Variants in AKT2 observed in about 807,000 individuals in gnomAD.
AKT2 encodes AKT serine/threonine kinase 2, also known as RAC-beta serine/threonine-protein kinase.
A neutral mutation model predicts 58.6 loss-of-function variants in AKT2; 16 were observed. That is an observed-to-expected ratio of 0.27 (90% CI 0.18 to 0.41). The LOEUF (loss-of-function observed/expected upper bound fraction) is 0.41. Ranked by LOEUF, AKT2 falls within the 10% of genes least tolerant of loss-of-function variation. AKT2 has a pLI of 1.00. For missense variants in AKT2, 438 were observed against 661.0 expected, an observed-to-expected ratio of 0.66 and a Z score of 3.70; for synonymous variants, 253 against 254.0, an observed-to-expected ratio of 1.00 and a Z score of 0.04.
At chr19:40,263,714 T>A (rs1976130658) in intron 2 of AKT2, among the ~76,000 whole-genome samples, 1 of 152,178 alleles carries the variant, frequency 6.6e-6, no homozygotes, top group South Asian at 2.1e-4. Flanking sequence ...GGGGCGTCCA[T>A]CCCTCATCGC....
intron 9 of AKT2, 26 bp from the exon 10 acceptor site, chr19:40,236,411 GGT>G (rs1568519872): frequency 6.8e-6 from 11 of 1,613,846 alleles, no homozygotes; most frequent in Non-Finnish European, 9.3e-6. Context: ...ACGGATCTCA[GGT>G]GCATGCTCCC....
At chr19:40,277,538 G>A (rs1272162390) in intron 1 of AKT2, among the ~76,000 whole-genome samples, 2 of 151,988 alleles carry the variant, frequency 1.3e-5, no homozygotes, top group East Asian at 3.9e-4. Flanking sequence ...CCCCATCATA[G>A]CCCAGGCCCT....
chr19:40,279,810 T>C (rs999949028), intron 1 of AKT2, among the ~76,000 whole-genome samples: 8 of 152,246 alleles, frequency 5.3e-5, no homozygotes, highest in South Asian at 2.1e-4. Context: ...CACTTCCTGG[T>C]TGGGGGACTC....
chr19:40,274,517 C>A (rs145606347), intron 1 of AKT2: 74 of 159,782 alleles, frequency 4.6e-4, no homozygotes, highest in Non-Finnish European at 8.9e-4. Flanking sequence ...TAAATACATA[C>A]GCAAATTAGA....
At chr19:40,271,426 CAA>C (rs60327122) in intron 1 of AKT2, among the ~76,000 whole-genome samples, 20 of 68,534 alleles carry the variant, frequency 2.9e-4, no homozygotes, top group Admixed American at 6.9e-4. Context: ...GACCCTGTCT[CAA>C]AAAAAAAAAA....
At position 40,235,343 on chromosome 19, in the gene AKT2, C is replaced by T; in HGVS notation, c.1183G>A (p.Gly395Arg). 3.1e-6 allele frequency: 5 copies of T among 1,613,826 alleles called. No individual in the cohort carries two copies. Among genetic ancestry groups the T allele is most frequent in the Non-Finnish European group, 3.4e-6 (4 of 1,180,028 alleles). ...LKKDPKQRLG[G>R]GPSDAKEVME... is the part of the protein sequence containing the mutation. ...ACCTCCTTGGCATCGCTGGGCCCCC[C>T]ACCAAGCCTGTGCAGAGACGGCCGT... Residue 395 changes from glycine (G) to arginine (R), a missense_variant, in exon 12 of 14, where the codon GGG becomes AGG. Gly to Arg is a moderately radical substitution (Grantham distance 125). Transcript: ENST00000392038. This position sits in a 1 kb window ranked among gnomAD's most constrained non-coding sequence, Gnocchi z 6.3.
chr19:40,258,053 C>T (rs1975668766), intron 2 of AKT2, among the ~76,000 whole-genome samples: 1 of 151,666 alleles, frequency 6.6e-6, no homozygotes, highest in Admixed American at 6.6e-5. Context: ...TGGAGACCAG[C>T]CTGACCAACA....
chr19:40,239,049 GC>G, intron 7 of AKT2, 76 bp from the exon 8 acceptor site: 1 of 1,502,282 alleles, frequency 6.7e-7, no homozygotes, highest in Non-Finnish European at 9.2e-7. Flanking sequence ...CAGGGCCCTG[GC>G]CCTGCTTATT....
At position 40,238,759 on chromosome 19, in the gene AKT2, C is replaced by T. The variant is rs762684735; in HGVS notation, c.708+146G>A. On this transcript the variant is annotated intron_variant, in intron 8 of 13. Coordinates refer to ENST00000392038, the MANE Select transcript of AKT2 (RefSeq NM_001626.6). This position sits in a 1 kb window ranked among gnomAD's most constrained non-coding sequence, Gnocchi z 5.1. The stretch of plus-strand genomic sequence containing the variant: ...AGTGACTGCCCCCCCAAAATGGAGA[C>T]GAAGCCGCCTGCCTCAAGGGAGAGG... The T allele has an allele frequency of 4.4e-5, 37 of 849,124 alleles. No individual in the cohort carries two copies. Among genetic ancestry groups the T allele is most frequent in the East Asian group, 1.0e-4 (4 of 38,790 alleles). The allele number at this position is 849,124 out of a possible 1,614,324, so 52.6% of individuals were successfully genotyped here. A position where few individuals can be genotyped will look rare whatever the true frequency, so the allele number is the denominator to read the frequency against.
At chr19:40,281,044 T>C (rs1300552692) in intron 1 of AKT2, among the ~76,000 whole-genome samples, 2 of 152,164 alleles carry the variant, frequency 1.3e-5, no homozygotes, top group South Asian at 2.1e-4. Context: ...GTGAAACCTT[T>C]TCCTCGGCTC....
chr19:40,247,330 G>A (rs1480592245), intron 4 of AKT2, among the ~76,000 whole-genome samples: 1 of 152,166 alleles, frequency 6.6e-6, no homozygotes. Context: ...ACACCACCTC[G>A]CTTGATTCTC....
Position 40,234,044 on chromosome 19 carries a change from G to T in AKT2, c.1367-93C>A. The T allele has an allele frequency of 6.7e-6, 9 of 1,336,882 alleles. No individual in the cohort carries two copies. In the South Asian group the frequency reaches 1.1e-4, roughly 17 times the overall value. 82.8% of individuals were successfully genotyped at this position (1,336,882 alleles called of 1,614,324 possible). ...CTGGGGAAACGGCCCCAGCTGGCGG[G>T]GGCTGCCCACAGGACAGGACAGGAA... On this transcript the variant is annotated intron_variant, in intron 13 of 13. Transcript: ENST00000392038. The surrounding 1 kb of genome is among the most constrained non-coding windows in gnomAD (Gnocchi z 4.7).
rs1368428014 is a variant in AKT2, at chr19:40,235,843, T to TGGC, written c.1175+44_1175+46dup. Reference sequence around the variant, plus strand: ...TGCCCCCTCCAGGCCGCAGGGACAGTGGCAGCAGCTGGCGCTGGGCTGGGT... The same window carrying TGGC: ...TGCCCCCTCCAGGCCGCAGGGACAGTGGCGGCAGCAGCTGGCGCTGGGCTGGGT... On this transcript the variant is annotated intron_variant, in intron 11 of 13. Coordinates refer to ENST00000392038, the MANE Select transcript of AKT2 (RefSeq NM_001626.6). The surrounding 1 kb of genome is among the most constrained non-coding windows in gnomAD (Gnocchi z 6.3). 6.4e-7 allele frequency: 1 copy of TGGC among 1,562,700 alleles called. No individual in the cohort carries two copies. The highest frequency in any genetic ancestry group is 8.7e-7 in the Non-Finnish European group (1 of 1,154,466).
rs1974495662 is a variant in AKT2, at chr19:40,242,767, C to T, written c.288-80G>A. On this transcript the variant is annotated intron_variant, in intron 4 of 13. Coordinates refer to ENST00000392038, the MANE Select transcript of AKT2 (RefSeq NM_001626.6). This position sits in a 1 kb window ranked among gnomAD's most constrained non-coding sequence, Gnocchi z 4.3. ...GAACAGCTGAGTGCCACCTCCCAGC[C>T]ACCCCCAGCAACAGGCAAGCAAATG... The T allele has an allele frequency of 2.0e-6, 3 of 1,502,366 alleles. No homozygotes were observed. Among genetic ancestry groups the T allele is most frequent in the East Asian group, 4.7e-5 (2 of 42,886 alleles). 93.1% of individuals were successfully genotyped at this position (1,502,366 alleles called of 1,614,324 possible).
rs367671463 is a variant in AKT2 at position 40,236,117 on chromosome 19, G to A, written c.961-13C>T. 422 of 1,613,852 alleles carry A rather than the reference G, an allele frequency of 2.6e-4. No individual in the cohort carries two copies. The highest frequency in any genetic ancestry group is 3.3e-4 in the Non-Finnish European group (388 of 1,180,028). ...TGTCCTCCAGCACCTGAGGATGGAG[G>A]AGAAATGAGGGCTGGGCCCGTGGCC... On this transcript the variant is annotated splice_polypyrimidine_tract_variant and intron_variant, in intron 10 of 13. Coordinates refer to ENST00000392038, the MANE Select transcript of AKT2 (RefSeq NM_001626.6).
chr19:40,237,885 C>T lies in AKT2; in HGVS notation c.831+84G>A. ...TGGTGGGGAGCCTGGCGAATGAGGG[C>T]AGAAGCTCAGCCCAACTTCCCCAGT... is the stretch of plus-strand genomic sequence containing the variant. On this transcript the variant is annotated intron_variant, in intron 9 of 13. Coordinates refer to ENST00000392038, the MANE Select transcript of AKT2 (RefSeq NM_001626.6). The surrounding 1 kb of genome is among the most constrained non-coding windows in gnomAD (Gnocchi z 4.5). The T allele has an allele frequency of 6.3e-7, 1 of 1,584,376 alleles. No individual in the cohort carries two copies. Among genetic ancestry groups the T allele is most frequent in the Admixed American group, 1.7e-5 (1 of 58,770 alleles).
At chr19:40,271,145 G>C (rs1376251834) in intron 1 of AKT2, among the ~76,000 whole-genome samples, 1 of 147,592 alleles carries the variant, frequency 6.8e-6, no homozygotes, top group Non-Finnish European at 1.5e-5. Context: ...TTTGAGACCA[G>C]CCTGAGCAAC....
rs376326333 is a variant in AKT2 at position 40,236,303 on chromosome 19, G to A, written c.914C>T (p.Ala305Val). ...GGTCCCACAGAAGGTTTTCATGGTG[G>A]CCCCGTCACTGATGCCCTCTTTGCA... ...GLCKEGISDG[A>V]TMKTFCGTPE... The change falls in exon 10 of 14, where the codon GCC becomes GTC. Residue 305 changes from alanine to valine, a missense_variant. By Grantham distance (64) the Ala-to-Val change is moderately conservative. Coordinates refer to ENST00000392038, the MANE Select transcript of AKT2 (RefSeq NM_001626.6). The A allele has an allele frequency of 4.3e-6, 7 of 1,614,136 alleles. No individual in the cohort carries two copies. Among genetic ancestry groups the A allele is most frequent in the Non-Finnish European group, 5.9e-6 (7 of 1,180,034 alleles).
chr19:40,276,425 G>A (rs1314719759), intron 1 of AKT2, among the ~76,000 whole-genome samples: 2 of 118,650 alleles, frequency 1.7e-5, no homozygotes, highest in African/African-American at 3.1e-5. Context: ...GAGTGCAGTA[G>A]TGCGATCTTG....
Sources: allele counts gnomAD v4.1 joint callset (sites outside exome capture counted in the v4.1 genomes callset), GRCh38; gene constraint gnomAD v4.1.1; non-coding constraint Gnocchi (gnomAD v3.1); transcripts MANE v1.5; gene names NCBI Gene and HGNC (gene_info 2026-07-23, HGNC 2026-07-21).